The following IGSF9B variants were observed in gnomAD, a reference collection of about 807,000 sequenced individuals.
IGSF9B encodes the protein immunoglobulin superfamily member 9B, also known as protein turtle homolog B.
In IGSF9B, 48 loss-of-function variants were observed where a neutral mutation model predicts 143.7. The observed-to-expected ratio is 0.33, with a 90% CI of 0.26 to 0.42. The LOEUF (loss-of-function observed/expected upper bound fraction) is 0.42, where lower values mean the gene tolerates loss of function less well. IGSF9B is among the 20% of genes least tolerant of loss of function. IGSF9B has a pLI of 1.00. For missense variants in IGSF9B, 1,706 were observed against 1,980.0 expected (o/e 0.86, Z 2.63); for synonymous variants, 903 against 833.1 (o/e 1.08, Z -1.44).
rs1451279072 is a variant in IGSF9B, at chr11:133,903,595, ACATGGGATCCCT to A, written c.*5462_*5473del. On this transcript the variant is annotated 3_prime_UTR_variant, in exon 20 of 20. Transcript: ENST00000533871. Reference sequence around the variant, plus strand: ...TGGATGCTTCATTTATCCTTATCCTACATGGGATCCCTCAGGGGATGGTGGTGTCTTTGGACC... The same window carrying A: ...TGGATGCTTCATTTATCCTTATCCTACAGGGGATGGTGGTGTCTTTGGACC... 3.3e-5 allele frequency among the ~76,000 whole-genome samples: 5 copies of A among 152,198 alleles called. No individual in the cohort carries two copies. Among genetic ancestry groups the A allele is most frequent in the Non-Finnish European group, 7.3e-5 (5 of 68,030 alleles).
intron 12 of IGSF9B, among the ~76,000 whole-genome samples, chr11:133,927,750 G>T (rs1939653706): frequency 6.6e-6 from 1 of 152,154 alleles, no homozygotes; most frequent in Admixed American, 6.5e-5. Flanking sequence ...AGCAAAGCCG[G>T]AGGGCTATGG....
At chr11:133,915,097 A>G (rs1323618409) in intron 18 of IGSF9B, among the ~76,000 whole-genome samples, 1 of 151,974 alleles carries the variant, frequency 6.6e-6, no homozygotes, top group African/African-American at 2.4e-5. Flanking sequence ...TCTCTTCCCA[A>G]CCAGCCTACA....
intron 12 of IGSF9B, among the ~76,000 whole-genome samples, chr11:133,927,534 G>T (rs944023479): frequency 3.9e-5 from 6 of 152,212 alleles, no homozygotes; most frequent in African/African-American, 1.4e-4. Flanking sequence ...CTGAAGTAGG[G>T]CCTCGGGTAA....
At position 133,956,790 on chromosome 11, in the gene IGSF9B, G is replaced by C. The variant is rs1338990070; in HGVS notation, c.-36C>G. On this transcript the variant is annotated 5_prime_UTR_variant, in exon 1 of 20. Coordinates refer to ENST00000533871, the MANE Select transcript of IGSF9B (RefSeq NM_001277285.4). ...CGCCAGCCCGGAGCCTCATCCTATC[G>C]CAAAGTGCTCCCGCGCCCGCACGCG... is the stretch of plus-strand genomic sequence containing the variant. 7.3e-7 allele frequency: 1 copy of C among 1,374,956 alleles called. No homozygotes were observed. The highest frequency in any genetic ancestry group is 9.7e-7 in the Non-Finnish European group (1 of 1,033,726). 85.2% of individuals were successfully genotyped at this position (1,374,956 alleles called of 1,614,324 possible).
Position 133,931,275 on chromosome 11 carries a change from T to G in IGSF9B, c.1369-141A>C. On this transcript the variant is annotated intron_variant, in intron 10 of 19. Coordinates refer to ENST00000533871, the MANE Select transcript of IGSF9B (RefSeq NM_001277285.4). The surrounding 1 kb of genome is among the most constrained non-coding windows in gnomAD (Gnocchi z 7.7). ...CCCGAGTGCCTGCCGCTCTTCAGGG[T>G]CAGCTCACTGCTCGGCATCTAGCCT... 1 of 985,784 alleles carries G rather than the reference T, an allele frequency of 1.0e-6. No homozygotes were observed. The highest frequency in any genetic ancestry group is 1.5e-6 in the Non-Finnish European group (1 of 656,346). The allele number at this position is 985,784 out of a possible 1,614,324, so 61.1% of individuals were successfully genotyped here.
intron 2 of IGSF9B, 21 bp downstream of exon 2, chr11:133,946,040 G>C (rs370246180): frequency 6.6e-7 from 1 of 1,508,070 alleles, no homozygotes; most frequent in Admixed American, 2.0e-5. Flanking sequence ...AGGTGCGGGA[G>C]ACCGGGTGCC....
chr11:133,939,795 C>T (rs11223630), intron 3 of IGSF9B, among the ~76,000 whole-genome samples: 24,906 of 151,040 alleles, frequency 0.16, 2,454 homozygotes, highest in East Asian at 0.46. Context: ...CGTCCTCGCA[C>T]GCGTCATCGC....
chr11:133,918,531 C>A (rs1045993814), intron 18 of IGSF9B, among the ~76,000 whole-genome samples: 1 of 152,146 alleles, frequency 6.6e-6, no homozygotes, highest in Non-Finnish European at 1.5e-5. Context: ...CGCGCACAGG[C>A]GGCGGCTGCG....
chr11:133,926,478 C>T (rs1247592597), intron 13 of IGSF9B, among the ~76,000 whole-genome samples: 1 of 152,198 alleles, frequency 6.6e-6, no homozygotes, highest in Non-Finnish European at 1.5e-5. Context: ...AGAGCAAACA[C>T]AACTGTGGCC....
rs1386403466 is a variant in IGSF9B at position 133,930,864 on chromosome 11, CT to C, written c.1519+119del. On this transcript the variant is annotated intron_variant, in intron 11 of 19. Coordinates refer to ENST00000533871, the MANE Select transcript of IGSF9B (RefSeq NM_001277285.4). ...GACGCGGAGTTCAGGGCTGCACTGA[CT>C]TAGGAAGGGAGCCCGCAGAGTGCAG... The C allele has an allele frequency of 4.6e-6, 5 of 1,076,874 alleles. No individual in the cohort carries two copies. The East Asian group carries it at 1.1e-4, about 23-fold the overall frequency. The allele number at this position is 1,076,874 out of a possible 1,614,324, so 66.7% of individuals were successfully genotyped here. A position where few individuals can be genotyped will look rare whatever the true frequency, so the allele number is the denominator to read the frequency against.
At position 133,905,188 on chromosome 11, in the gene IGSF9B, C is replaced by T. The variant is rs1210069188; in HGVS notation, c.*3881G>A. Among the ~76,000 whole-genome samples, 1 of 152,032 alleles carries T rather than the reference C, an allele frequency of 6.6e-6. No homozygotes were observed. Among genetic ancestry groups the T allele is most frequent in the African/African-American group, 2.4e-5 (1 of 41,368 alleles). ...AGATTAACCATTAGCTTTTCTTTTCCTAGGTTTCTCTACAGATTAATAAAA... is the reference window on the plus strand; with the variant it reads ...AGATTAACCATTAGCTTTTCTTTTCTTAGGTTTCTCTACAGATTAATAAAA... On this transcript the variant is annotated 3_prime_UTR_variant, in exon 20 of 20. Transcript: ENST00000533871. This position sits in a 1 kb window ranked among gnomAD's most constrained non-coding sequence, Gnocchi z 4.0.
Position 133,949,194 on chromosome 11 carries a change from G to A in IGSF9B, c.65-2936C>T, listed in dbSNP as rs558917087. 2.6e-5 allele frequency among the ~76,000 whole-genome samples: 4 copies of A among 152,306 alleles called. No individual in the cohort carries two copies. In the East Asian group the frequency reaches 7.7e-4, roughly 29 times the overall value. On this transcript the variant is annotated intron_variant, in intron 1 of 19. Transcript: ENST00000533871. ...AAAGAGGATAAGCAAGACAAAATGA[G>A]AGGGAGCTTCCCCAGAATAAAGCAG...
intron 1 of IGSF9B, among the ~76,000 whole-genome samples, chr11:133,952,725 A>G (rs1464082525): frequency 2.0e-5 from 3 of 151,792 alleles, no homozygotes; most frequent in Non-Finnish European, 4.4e-5. Flanking sequence ...ACATATATGC[A>G]CACATGCAGG....
At position 133,920,726 on chromosome 11, in the gene IGSF9B, G is replaced by A; in HGVS notation, c.2999C>T (p.Pro1000Leu). The A allele has an allele frequency of 6.2e-7, 1 of 1,613,200 alleles. No homozygotes were observed. The highest frequency in any genetic ancestry group is 8.5e-7 in the Non-Finnish European group (1 of 1,179,628). The stretch of plus-strand genomic sequence containing the variant: ...GCCAAAGGGCCCCTCGGTGGGCAGG[G>A]GCGGGGACGACATGACGGAGCTCAG... ...SPLSSVMSSP[P>L]LPTEGPFGHP... The change falls in exon 18 of 20, where the codon CCC (proline) becomes CTC (leucine). Residue 1000 changes from proline (P) to leucine (L), a missense_variant. Pro to Leu is a moderately conservative substitution (Grantham distance 98). Around this residue, in one of 7 missense-constraint regions of IGSF9B, gnomAD observed 880 missense variants for 762.9 expected, o/e 1.15. Coordinates refer to ENST00000533871, the MANE Select transcript of IGSF9B (RefSeq NM_001277285.4).
rs192197895 is a variant in IGSF9B at position 133,944,101 on chromosome 11, G to A, written c.409+119C>T. The A allele has an allele frequency of 7.9e-5, 87 of 1,100,386 alleles. 1 individual carries two copies. The Admixed American group carries it at 2.2e-3, about 27-fold the overall frequency. The allele number at this position is 1,100,386 out of a possible 1,614,324, so 68.2% of individuals were successfully genotyped here. On this transcript the variant is annotated intron_variant, in intron 3 of 19. Coordinates refer to ENST00000533871, the MANE Select transcript of IGSF9B (RefSeq NM_001277285.4). ...CTCATGGGACCACAGCAACAAGGAGGGGGGCAGGGGGTGAGATGCAGTTGG... is the reference window on the plus strand; with the variant it reads ...CTCATGGGACCACAGCAACAAGGAGAGGGGCAGGGGGTGAGATGCAGTTGG...
rs542379660 is a variant in IGSF9B, at chr11:133,907,334, C to T, written c.*1735G>A. Among the ~76,000 whole-genome samples the T allele has an allele frequency of 1.8e-3, 277 of 152,338 alleles. 2 individuals are homozygous for T. Among genetic ancestry groups the T allele is most frequent in the Non-Finnish European group, 3.1e-3 (214 of 68,032 alleles). On this transcript the variant is annotated 3_prime_UTR_variant, in exon 20 of 20. Coordinates refer to ENST00000533871, the MANE Select transcript of IGSF9B (RefSeq NM_001277285.4). Reference sequence around the variant, plus strand: ...AGCAGCCATCCAAGGCCTCATCCTGCGAGGTCACTGGGCCAAGCCCATGGC... The same window carrying T: ...AGCAGCCATCCAAGGCCTCATCCTGTGAGGTCACTGGGCCAAGCCCATGGC...
At chr11:133,926,801 G>T in intron 13 of IGSF9B, 115 bp downstream of exon 13, 1 of 839,416 alleles carries the variant, frequency 1.2e-6, no homozygotes, top group Non-Finnish European at 1.9e-6. Context: ...GCACGGCTCT[G>T]TGGAGCACTC....
chr11:133,937,602 A>G, intron 4 of IGSF9B, 109 bp from the exon 5 acceptor site: 1 of 1,036,200 alleles, frequency 9.7e-7, no homozygotes, highest in South Asian at 1.5e-5. Context: ...GACCACAGGG[A>G]CAGATGCATC....
intron 19 of IGSF9B, among the ~76,000 whole-genome samples, chr11:133,910,195 G>C (rs1288837000): frequency 6.6e-6 from 1 of 152,168 alleles, no homozygotes; most frequent in Non-Finnish European, 1.5e-5. Context: ...GTGTGTGTGT[G>C]TTTGTGTATG....
Sources: allele counts gnomAD v4.1 joint callset (sites outside exome capture counted in the v4.1 genomes callset), GRCh38; gene constraint gnomAD v4.1.1; regional missense constraint gnomAD v4.1.1; non-coding constraint Gnocchi (gnomAD v3.1); transcripts MANE v1.5; gene names NCBI Gene and HGNC (gene_info 2026-07-23, HGNC 2026-07-21).